The following ANKLE1 variants were observed in gnomAD, a reference collection of about 807,000 sequenced individuals.
ANKLE1 encodes the protein ankyrin repeat and LEM domain containing 1.
Under a neutral mutation model 56.2 loss-of-function variants are expected in ANKLE1, and 59 were observed. That is an observed-to-expected ratio of 1.05 (90% confidence interval 0.85 to 1.30). The LOEUF is 1.30. Ranked by LOEUF, ANKLE1 falls within the 50% of genes most tolerant of loss-of-function variation. The pLI is 0.00. For missense variants in ANKLE1, 771 were observed against 816.1 expected (o/e 0.94, Z 0.67); for synonymous variants, 341 against 352.9 (o/e 0.97, Z 0.38).
intron 6 of ANKLE1, 107 bp downstream of exon 6, chr19:17,284,373 G>T (rs4808614): frequency 0.75 from 709,192 of 949,000 alleles, 273,778 homozygotes; most frequent in Non-Finnish European, 0.78. Context: ...ATCATCAGCT[G>T]CTTCTTCTTC....
rs558424120 is a variant in ANKLE1, at chr19:17,286,735, C to G, written c.*183C>G. 5 of 1,452,534 alleles carry G rather than the reference C, an allele frequency of 3.4e-6. No individual in the cohort carries two copies. The South Asian group carries it at 7.1e-5, about 21-fold the overall frequency. 90.0% of individuals were successfully genotyped at this position (1,452,534 alleles called of 1,614,324 possible). The stretch of plus-strand genomic sequence containing the variant: ...GTGTAGGGAGCACCCAGGCAGATCT[C>G]CCCCAGGCTGAGAGAGGACTTTGTT... On this transcript the variant is annotated 3_prime_UTR_variant, in exon 9 of 9. Coordinates refer to ENST00000404085, the MANE Select transcript of ANKLE1 (RefSeq NM_152363.6).
At chr19:17,285,404 C>T (rs1179855309) in intron 6 of ANKLE1, 27 bp from the exon 7 acceptor site, 1 of 1,612,548 alleles carries the variant, frequency 6.2e-7, no homozygotes, top group Non-Finnish European at 8.5e-7. Context: ...TCCACTTTTC[C>T]CTGTCTGAGC....
At chr19:17,282,564 C>G in intron 2 of ANKLE1, 92 bp from the exon 3 acceptor site, 3 of 1,298,054 alleles carry the variant, frequency 2.3e-6, no homozygotes, top group Admixed American at 4.0e-5. Flanking sequence ...TCCGGGAGGC[C>G]GAGAACGAAG....
chr19:17,282,884 CCTGGCCCTGCAGCAGGGA>C lies in ANKLE1; in HGVS notation c.344_361del (p.Leu115_Gly120del). 1 of 1,580,660 alleles carries C rather than the reference CCTGGCCCTGCAGCAGGGA, an allele frequency of 6.3e-7. No homozygotes were observed. The highest frequency in any genetic ancestry group is 1.1e-5 in the South Asian group (1 of 87,794). On this transcript the variant is annotated inframe_deletion, in exon 4 of 9. Transcript: ENST00000404085. ...TGTAGGACGGACTCCGGCCGCTGGA[CCTGGCCCTGCAGCAGGGA>C]CACCTGGAGTGCGCGCGAGTCCTGC...
intron 6 of ANKLE1, 121 bp from the exon 7 acceptor site, chr19:17,285,310 C>T: frequency 8.3e-7 from 1 of 1,205,796 alleles, no homozygotes; most frequent in Non-Finnish European, 1.2e-6. Flanking sequence ...GCCGCTGACT[C>T]TCTCTGATCC....
Position 17,283,724 on chromosome 19 carries a change from G to A in ANKLE1, c.960G>A (p.Leu320=), listed in dbSNP as rs752957204. ...CTGGAGCTTCTGACTGCCACTGCCTGTGGGAGCACCAGACATCCATTGATA... is the reference window on the plus strand; with the variant it reads ...CTGGAGCTTCTGACTGCCACTGCCTATGGGAGCACCAGACATCCATTGATA... ...PTPGASDCHC[L]WEHQTSIDSD... Residue 320 remains leucine, a synonymous_variant, in exon 5 of 9, where the codon CTG becomes CTA. Transcript: ENST00000404085. 5 of 1,613,662 alleles carry A rather than the reference G, an allele frequency of 3.1e-6. No homozygotes were observed. The highest frequency in any genetic ancestry group is 2.2e-5 in the East Asian group (1 of 44,884).
chr19:17,282,331 G>A lies in ANKLE1; in HGVS notation c.215+122G>A, dbSNP rs1202303762. ...TCGAGGGTGGGGTTTAGGGGATCTT[G>A]GGGAGGGAACTTGGGGGTCCAAGGG... On this transcript the variant is annotated intron_variant, in intron 2 of 8. Transcript: ENST00000404085. 1.9e-5 allele frequency: 26 copies of A among 1,363,198 alleles called. No individual in the cohort carries two copies. In the East Asian group the frequency reaches 6.6e-4, roughly 34 times the overall value. The allele number at this position is 1,363,198 out of a possible 1,614,324, so 84.4% of individuals were successfully genotyped here.
rs146466494 is a variant in ANKLE1, at chr19:17,285,576, C to T, written c.1522C>T (p.Arg508Trp). Residue 508 changes from arginine (R) to tryptophan (W), a missense_variant, in exon 7 of 9, where the codon CGG becomes TGG. Physicochemically the swap from Arg to Trp is moderately radical, Grantham distance 101 (BLOSUM62 -3). Transcript: ENST00000404085. The stretch of plus-strand genomic sequence containing the variant: ...CTGGGAGGCCCTTGGTCACCATGGG[C>T]GGTCAAGAAAACAGGTGTGAGGACA... ...HLWEALGHHG[R>W]SRKQPHQACP... 1.2e-4 allele frequency: 187 copies of T among 1,613,808 alleles called. No individual in the cohort carries two copies. The highest frequency in any genetic ancestry group is 1.6e-4 in the Middle Eastern group (1 of 6,062).
chr19:17,286,647 G>GGTGTGTGTGTGT lies in ANKLE1; in HGVS notation c.*128_*139dup, dbSNP rs58535756. The GGTGTGTGTGTGT allele has an allele frequency of 1.4e-6, 2 of 1,429,090 alleles. No individual in the cohort carries two copies. The highest frequency in any genetic ancestry group is 3.1e-5 in the East Asian group (1 of 32,604). 88.5% of individuals were successfully genotyped at this position (1,429,090 alleles called of 1,614,324 possible). On this transcript the variant is annotated 3_prime_UTR_variant, in exon 9 of 9. Transcript: ENST00000404085. Reference sequence around the variant, plus strand: ...AGCCCCCATCTCTGGTTTCAGAAGGGGTGTGTGTGTGTGTGTGTGTGTGTG... The same window carrying GGTGTGTGTGTGT: ...AGCCCCCATCTCTGGTTTCAGAAGGGGTGTGTGTGTGTGTGTGTGTGTGTGTGTGTGTGTGTG...
In ANKLE1 at chr19:17,283,911, T is replaced by C; in HGVS notation, c.1147T>C (p.Phe383Leu). The change falls in exon 5 of 9, where the codon TTC becomes CTC. Residue 383 changes from phenylalanine to leucine, a missense_variant. Coordinates refer to ENST00000404085, the MANE Select transcript of ANKLE1 (RefSeq NM_152363.6). ...LGENPHPITP[F>L]TRQLYHQQLE... ...TGAGAATCCTCACCCCATCACACCCTTCACCAGGCAGTTGTACCACCAGCA... is the reference window on the plus strand; with the variant it reads ...TGAGAATCCTCACCCCATCACACCCCTCACCAGGCAGTTGTACCACCAGCA... 6.2e-7 allele frequency: 1 copy of C among 1,612,282 alleles called. No individual in the cohort carries two copies. The highest frequency in any genetic ancestry group is 8.5e-7 in the Non-Finnish European group (1 of 1,178,864).
chr19:17,285,656 G>A (rs1461260821), intron 7 of ANKLE1, 25 bp from the exon 8 acceptor site: 17 of 1,613,856 alleles, frequency 1.1e-5, no homozygotes, highest in Non-Finnish European at 1.4e-5. Flanking sequence ...GGTATTGGGG[G>A]TGCTGACTCC....
chr19:17,286,654 G>T lies in ANKLE1; in HGVS notation c.*102G>T. On this transcript the variant is annotated 3_prime_UTR_variant, in exon 9 of 9. Coordinates refer to ENST00000404085, the MANE Select transcript of ANKLE1 (RefSeq NM_152363.6). ...ATCTCTGGTTTCAGAAGGGGTGTGT[G>T]TGTGTGTGTGTGTGTGTGTGTGTGT... 1 of 651,940 alleles carries T rather than the reference G, an allele frequency of 1.5e-6. No individual in the cohort carries two copies. The highest frequency in any genetic ancestry group is 3.0e-5 in the East Asian group (1 of 32,996). 40.4% of individuals were successfully genotyped at this position (651,940 alleles called of 1,614,324 possible). A position where few individuals can be genotyped will look rare whatever the true frequency, so the allele number is the denominator to read the frequency against.
Position 17,283,502 on chromosome 19 carries a change from G to C in ANKLE1, c.738G>C (p.Pro246=). 1 of 1,612,970 alleles carries C rather than the reference G, an allele frequency of 6.2e-7. No homozygotes were observed. ...CCCCCTGGGCTGGGTCATTGCCACC[G>C]ACCAGGCAGGGACTTCTGCATGTTG... is the stretch of plus-strand genomic sequence containing the variant. ...DTPPWAGSLP[P]TRQGLLHVVH... Residue 246 remains proline (P), a synonymous_variant, in exon 5 of 9, where the codon CCG becomes CCC. Coordinates refer to ENST00000404085, the MANE Select transcript of ANKLE1 (RefSeq NM_152363.6).
rs2074043618 is a variant in ANKLE1, at chr19:17,287,152, C to G, written c.*600C>G. The G allele has an allele frequency of 6.6e-6, 1 of 152,372 alleles. No homozygotes were observed. The highest frequency in any genetic ancestry group is 2.4e-5 in the African/African-American group (1 of 41,452). The allele number at this position is 152,372 out of a possible 1,614,324, so 9.4% of individuals were successfully genotyped here. A position where few individuals can be genotyped will look rare whatever the true frequency, so the allele number is the denominator to read the frequency against. ...ACAGTTTACAAATGCCATGGCTGGC[C>G]AGGCGCGGTGGCTCACGCCTGTAAT... On this transcript the variant is annotated 3_prime_UTR_variant, in exon 9 of 9. Transcript: ENST00000404085.
chr19:17,284,234 G>C lies in ANKLE1; in HGVS notation c.1344G>C (p.Lys448Asn). The C allele has an allele frequency of 6.2e-7, 1 of 1,613,846 alleles. No individual in the cohort carries two copies. Among genetic ancestry groups the C allele is most frequent in the Non-Finnish European group, 8.5e-7 (1 of 1,179,880 alleles). Reference protein sequence around the residue: ...PARRWREGVVKSSFTYLLLDP... With the variant: ...PARRWREGVVNSSFTYLLLDP... ...GGAGGTGGCGGGAGGGGGTCGTGAA[G>C]TCTAGCTTCACCTATCTGCTGCTGG... Residue 448 changes from lysine (K) to asparagine (N), a missense_variant, in exon 6 of 9, where the codon AAG (lysine) becomes AAC (asparagine). Coordinates refer to ENST00000404085, the MANE Select transcript of ANKLE1 (RefSeq NM_152363.6).
Position 17,286,650 on chromosome 19 carries a change from GTGTGT to G in ANKLE1, c.*99_*103del, listed in dbSNP as rs1568343589. 7 of 513,792 alleles carry G rather than the reference GTGTGT, an allele frequency of 1.4e-5. No individual in the cohort carries two copies. The highest frequency in any genetic ancestry group is 4.3e-5 in the Admixed American group (1 of 23,130). The allele number at this position is 513,792 out of a possible 1,614,324, so 31.8% of individuals were successfully genotyped here. A position where few individuals can be genotyped will look rare whatever the true frequency, so the allele number is the denominator to read the frequency against. On this transcript the variant is annotated 3_prime_UTR_variant, in exon 9 of 9. Coordinates refer to ENST00000404085, the MANE Select transcript of ANKLE1 (RefSeq NM_152363.6). ...CCCCATCTCTGGTTTCAGAAGGGGT[GTGTGT>G]GTGTGTGTGTGTGTGTGTGTGTGTG...
In ANKLE1 at chr19:17,283,734, C is replaced by T. The variant is rs763336156; in HGVS notation, c.970C>T (p.Gln324Ter). The T allele has an allele frequency of 3.6e-5, 58 of 1,613,564 alleles. No individual in the cohort carries two copies. Among genetic ancestry groups the T allele is most frequent in the Non-Finnish European group, 4.4e-5 (52 of 1,179,910 alleles). Reference protein sequence around the residue: ...ASDCHCLWEHQTSIDSDMATL... With the variant: ...ASDCHCLWEH The stretch of plus-strand genomic sequence containing the variant: ...TGACTGCCACTGCCTGTGGGAGCAC[C>T]AGACATCCATTGATAGTGACATGGC... Residue 324 changes from glutamine to a stop codon, truncating the protein, a stop_gained, in exon 5 of 9, where the codon CAG (glutamine) becomes TAG (stop). Coordinates refer to ENST00000404085, the MANE Select transcript of ANKLE1 (RefSeq NM_152363.6). LOFTEE classifies it high-confidence loss of function.
At chr19:17,284,893 T>C (rs1043083761) in intron 6 of ANKLE1, among the ~76,000 whole-genome samples, 1 of 151,844 alleles carries the variant, frequency 6.6e-6, no homozygotes, top group Admixed American at 6.6e-5. Context: ...TTCACCATGT[T>C]GGCCAGGCTG....
chr19:17,284,592 C>T (rs4808076), intron 6 of ANKLE1, among the ~76,000 whole-genome samples: 38,238 of 151,410 alleles, frequency 0.25, 5,155 homozygotes, highest in Non-Finnish European at 0.3. Flanking sequence ...CCATGTTGGC[C>T]AGGCTGGTCT....
Sources: allele counts gnomAD v4.1 joint callset (sites outside exome capture counted in the v4.1 genomes callset), GRCh38; gene constraint gnomAD v4.1.1; transcripts MANE v1.5; gene names NCBI Gene and HGNC (gene_info 2026-07-23, HGNC 2026-07-21).